Variants in LY75 observed in about 807,000 individuals in gnomAD.
The protein encoded by LY75 is C-type lectin domain family 13 member B.
Under a neutral mutation model 231.7 loss-of-function variants are expected in LY75, and 185 were observed. The observed-to-expected ratio is 0.80, with a 90% CI of 0.71 to 0.90. The LOEUF is 0.90. Among genes scored for constraint, LY75 ranks in the 40% least tolerant of loss-of-function variants. LY75 has a pLI of 0.00. For missense variants in LY75, 1,947 were observed against 2,050.2 expected (o/e 0.95, Z 0.97); for synonymous variants, 668 against 689.0 (o/e 0.97, Z 0.48).
rs116314734 is a variant in LY75 at position 159,865,067 on chromosome 2, G to A, written c.2118-147C>T. 5,208 of 574,850 alleles carry A rather than the reference G, an allele frequency of 9.1e-3. 42 individuals carry two copies. Among genetic ancestry groups the A allele is most frequent in the Admixed American group, 0.028 (684 of 24,134 alleles). The allele number at this position is 574,850 out of a possible 1,614,324, so 35.6% of individuals were successfully genotyped here. A position where few individuals can be genotyped will look rare whatever the true frequency, so the allele number is the denominator to read the frequency against. On this transcript the variant is annotated intron_variant, in intron 13 of 34. Coordinates refer to ENST00000263636, the MANE Select transcript of LY75 (RefSeq NM_002349.4). ...TGAAATGAAACTAAGCCCTTAATGTGGGGTAGTTACAGAAAAAGTACCATA... is the reference window on the plus strand; with the variant it reads ...TGAAATGAAACTAAGCCCTTAATGTAGGGTAGTTACAGAAAAAGTACCATA...
intron 11 of LY75, among the ~76,000 whole-genome samples, chr2:159,876,217 T>C (rs1685262514): frequency 6.6e-6 from 1 of 152,222 alleles, no homozygotes; most frequent in Non-Finnish European, 1.5e-5. Context: ...GTTTGAATTA[T>C]CAGTTCCATT....
intron 16 of LY75, among the ~76,000 whole-genome samples, 166 bp downstream of exon 16, chr2:159,858,196 A>G (rs1157611030): frequency 6.6e-6 from 1 of 152,198 alleles, no homozygotes; most frequent in African/African-American, 2.4e-5. Context: ...CTAGCCTTCT[A>G]TTAGAAGCCG....
Position 159,875,520 on chromosome 2 carries a change from T to C in LY75, c.1898A>G (p.Glu633Gly). The C allele has an allele frequency of 1.2e-6, 2 of 1,614,110 alleles. No homozygotes were observed. The highest frequency in any genetic ancestry group is 1.7e-6 in the Non-Finnish European group (2 of 1,179,998). ...CKKMSGPLGPEEASPKPDDPC... is the reference protein window; with the variant it reads ...CKKMSGPLGPGEASPKPDDPC... Reference sequence around the variant, plus strand: ...GTCATCAGGCTTAGGGGATGCTTCTTCAGGCCCAAGGGGTCCACTCATTTT... The same window carrying C: ...GTCATCAGGCTTAGGGGATGCTTCTCCAGGCCCAAGGGGTCCACTCATTTT... The change falls in exon 12 of 35, where the codon GAA becomes GGA. Residue 633 changes from glutamate (E) to glycine (G), a missense_variant. Coordinates refer to ENST00000263636, the MANE Select transcript of LY75 (RefSeq NM_002349.4).
chr2:159,890,140 G>C, intron 4 of LY75, 73 bp downstream of exon 4: 1 of 1,544,298 alleles, frequency 6.5e-7, no homozygotes, highest in Non-Finnish European at 8.7e-7. Context: ...AACACATCTG[G>C]ATATGAAAAC....
intron 13 of LY75, among the ~76,000 whole-genome samples, chr2:159,867,621 G>T (rs1004632186): frequency 1.3e-5 from 2 of 152,150 alleles, no homozygotes; most frequent in African/African-American, 4.8e-5. Context: ...TGCTGCATTT[G>T]GTTGCTAAGG....
In LY75 at chr2:159,885,308, T is replaced by G. The variant is rs945604427; in HGVS notation, c.914-15A>C. On this transcript the variant is annotated splice_polypyrimidine_tract_variant and intron_variant, in intron 5 of 34. Transcript: ENST00000263636. Reference sequence around the variant, plus strand: ...ACTGGGCCTGTCTTAAAAGGGAACATTTTTCAAAGCATTAGAATGAGAAAG... The same window carrying G: ...ACTGGGCCTGTCTTAAAAGGGAACAGTTTTCAAAGCATTAGAATGAGAAAG... 6.2e-7 allele frequency: 1 copy of G among 1,608,734 alleles called. No individual in the cohort carries two copies. The highest frequency in any genetic ancestry group is 8.5e-7 in the Non-Finnish European group (1 of 1,177,304).
In LY75 at chr2:159,810,793, C is replaced by A. The variant is rs1682937580; in HGVS notation, c.4550-118G>T. ...GTTTGTGGTTGAGTAGCATTTAACT[C>A]ATACCAGAGAAAGCCACAGCCCACA... On this transcript the variant is annotated intron_variant, in intron 31 of 34. Transcript: ENST00000263636. 6 of 1,445,832 alleles carry A rather than the reference C, an allele frequency of 4.1e-6. No individual in the cohort carries two copies. In the Admixed American group the frequency reaches 9.8e-5, roughly 24 times the overall value. The allele number at this position is 1,445,832 out of a possible 1,614,324, so 89.6% of individuals were successfully genotyped here. A position where few individuals can be genotyped will look rare whatever the true frequency, so the allele number is the denominator to read the frequency against.
chr2:159,819,000 G>C (rs1683205956), intron 29 of LY75, among the ~76,000 whole-genome samples: 1 of 152,178 alleles, frequency 6.6e-6, no homozygotes, highest in Non-Finnish European at 1.5e-5. Flanking sequence ...TAGAGACTAA[G>C]TTTCTAAAAT....
intron 34 of LY75, 22 bp from the exon 35 acceptor site, chr2:159,805,244 T>C (rs762507755): frequency 1.4e-4 from 226 of 1,596,514 alleles, no homozygotes; most frequent in Non-Finnish European, 1.9e-4. Context: ...AAAGGTTTGA[T>C]GTTGGAGGAG....
rs1051113697 is a variant in LY75, at chr2:159,891,448, A to G, written c.638-1071T>C. On this transcript the variant is annotated intron_variant, in intron 3 of 34. Coordinates refer to ENST00000263636, the MANE Select transcript of LY75 (RefSeq NM_002349.4). ...AAAGCACATTGTCTAAAGGTTCATTATTACCACTGAGGCCCTACACTTGTA... is the reference window on the plus strand; with the variant it reads ...AAAGCACATTGTCTAAAGGTTCATTGTTACCACTGAGGCCCTACACTTGTA... Among the ~76,000 whole-genome samples the G allele has an allele frequency of 4.6e-5, 7 of 152,164 alleles. 1 individual carries two copies. The highest frequency in any genetic ancestry group is 7.4e-5 in the Non-Finnish European group (5 of 68,006).
intron 29 of LY75, 106 bp downstream of exon 29, chr2:159,819,620 C>G: frequency 7.3e-7 from 1 of 1,371,284 alleles, no homozygotes; most frequent in Non-Finnish European, 9.9e-7. Context: ...TCGCACAGGA[C>G]TGAATACAGA....
intron 12 of LY75, among the ~76,000 whole-genome samples, chr2:159,874,640 AATATATATATTTTGTAAAT>A (rs1560093918): frequency 3.3e-4 from 3 of 9,216 alleles, no homozygotes; most frequent in Non-Finnish European, 4.6e-4. Flanking sequence ...AATATATGTA[AATATATATATTTTGTAAAT>A]ATATATATAT....
chr2:159,829,104 TTGGTATAAAGATTGA>T (rs1203138170), intron 28 of LY75, among the ~76,000 whole-genome samples: 7 of 152,198 alleles, frequency 4.6e-5, no homozygotes, highest in Non-Finnish European at 1.0e-4. Context: ...CAATTATAAA[TTGGTATAAAGATTGA>T]TGCCATCACT....
chr2:159,893,263 A>G (rs1004663327), intron 3 of LY75, among the ~76,000 whole-genome samples: 1 of 152,180 alleles, frequency 6.6e-6, no homozygotes, highest in South Asian at 2.1e-4. Flanking sequence ...ATGTTGACCA[A>G]TCAATTATTT....
chr2:159,823,388 A>G (rs934036445), intron 28 of LY75, among the ~76,000 whole-genome samples: 3 of 152,216 alleles, frequency 2.0e-5, no homozygotes, highest in African/African-American at 7.2e-5. Flanking sequence ...GAGAGAAGAC[A>G]CGATTAAAGA....
intron 27 of LY75, among the ~76,000 whole-genome samples, chr2:159,832,390 C>G (rs1683690699): frequency 6.6e-6 from 1 of 152,206 alleles, no homozygotes. Context: ...TTACATACTC[C>G]TTATGAGAAT....
intron 15 of LY75, among the ~76,000 whole-genome samples, chr2:159,859,460 T>A (rs1684636152): frequency 6.6e-6 from 1 of 152,174 alleles, no homozygotes; most frequent in Non-Finnish European, 1.5e-5. Context: ...TGGCAGTTCC[T>A]CCAAATCCAC....
intron 23 of LY75, among the ~76,000 whole-genome samples, chr2:159,845,530 G>A (rs533634984): frequency 6.6e-6 from 1 of 151,174 alleles, no homozygotes; most frequent in East Asian, 2.0e-4. Context: ...AACTGCAGAT[G>A]GAAAATATTT....
At chr2:159,875,391 AGG>A in intron 12 of LY75, 51 bp downstream of exon 12, 3 of 1,587,944 alleles carry the variant, frequency 1.9e-6, no homozygotes, top group Non-Finnish European at 2.6e-6. Context: ...GACATGAACA[AGG>A]GTAGTGGAAA....
Sources: gnomAD v4.1 joint callset for allele counts (sites outside exome capture counted in the v4.1 genomes callset) on GRCh38, gnomAD v4.1.1 for gene constraint, MANE v1.5 for transcripts, NCBI Gene and HGNC (gene_info 2026-07-23, HGNC 2026-07-21) for gene names.